STX7: variants seen among roughly 807,000 people sequenced by gnomAD.
STX7 encodes syntaxin-7.
A neutral mutation model predicts 39.6 loss-of-function variants in STX7; 34 were observed. The observed-to-expected ratio is 0.86, with a 90% confidence interval of 0.65 to 1.14. The LOEUF (loss-of-function observed/expected upper bound fraction) is 1.14. Among genes scored for constraint, STX7 ranks in the 50% most tolerant of loss-of-function variants. STX7 has a pLI of 0.00. For synonymous variants in STX7, 119 were observed against 99.1 expected (o/e 1.20, Z -1.19); for missense variants, 284 against 310.4 (o/e 0.92, Z 0.64).
chr6:132,466,494 C>T (rs1375936069), intron 8 of STX7, among the ~76,000 whole-genome samples: 1 of 152,172 alleles, frequency 6.6e-6, no homozygotes, highest in Non-Finnish European at 1.5e-5. Flanking sequence ...TGTGCAAAAG[C>T]AACCATAAAC....
chr6:132,468,750 T>C (rs1774627363), intron 7 of STX7, among the ~76,000 whole-genome samples: 1 of 152,188 alleles, frequency 6.6e-6, no homozygotes, highest in African/African-American at 2.4e-5. Flanking sequence ...ATGAAGGATC[T>C]ATAATAGAGA....
intron 3 of STX7, 133 bp from the exon 4 acceptor site, chr6:132,472,508 C>A: frequency 1.8e-6 from 1 of 559,932 alleles, no homozygotes; most frequent in African/African-American, 1.9e-5. Flanking sequence ...TCAACTTTCT[C>A]TATCAAAAAA....
chr6:132,507,559 T>C (rs1775736206), intron 1 of STX7, among the ~76,000 whole-genome samples: 1 of 152,254 alleles, frequency 6.6e-6, no homozygotes, highest in Admixed American at 6.5e-5. Context: ...AATGGAATCA[T>C]ACAATGTGTT....
At position 132,455,993 on chromosome 6, in the gene STX7, T is replaced by C. The variant is rs1247883589; in HGVS notation, c.*4765A>G. 2.6e-5 allele frequency: 4 copies of C among 152,246 alleles called. No individual in the cohort carries two copies. The highest frequency in any genetic ancestry group is 6.5e-5 in the Admixed American group (1 of 15,282). 9.4% of individuals were successfully genotyped at this position (152,246 alleles called of 1,614,324 possible). A position where few individuals can be genotyped will look rare whatever the true frequency, so the allele number is the denominator to read the frequency against. ...GCTTTGAGTGCATTCTGATGAAATATAGATTCCAAATTCCCCTTGGATCTC... is the reference window on the plus strand; with the variant it reads ...GCTTTGAGTGCATTCTGATGAAATACAGATTCCAAATTCCCCTTGGATCTC... On this transcript the variant is annotated 3_prime_UTR_variant, in exon 10 of 10. Transcript: ENST00000367941.
intron 2 of STX7, among the ~76,000 whole-genome samples, chr6:132,487,839 A>C (rs1460530648): frequency 6.6e-6 from 1 of 152,042 alleles, no homozygotes; most frequent in Non-Finnish European, 1.5e-5. Context: ...TTAGATGTTT[A>C]TCAGTTCTAT....
At chr6:132,474,437 T>A (rs1254501456) in intron 3 of STX7, among the ~76,000 whole-genome samples, 1 of 152,000 alleles carries the variant, frequency 6.6e-6, no homozygotes, top group African/African-American at 2.4e-5. Flanking sequence ...AAAATATAAA[T>A]TAGAGATAAT....
chr6:132,501,359 T>C (rs1432665508), intron 2 of STX7, among the ~76,000 whole-genome samples: 1 of 152,068 alleles, frequency 6.6e-6, no homozygotes, highest in Non-Finnish European at 1.5e-5. Flanking sequence ...CTGCCAACAG[T>C]CCCAGTCTTC....
chr6:132,456,948 C>T lies in STX7; in HGVS notation c.*3810G>A, dbSNP rs1327513737. 1 of 152,318 alleles carries T rather than the reference C, an allele frequency of 6.6e-6. No homozygotes were observed. Among genetic ancestry groups the T allele is most frequent in the African/African-American group, 2.4e-5 (1 of 41,472 alleles). The allele number at this position is 152,318 out of a possible 1,614,324, so 9.4% of individuals were successfully genotyped here. A position where few individuals can be genotyped will look rare whatever the true frequency, so the allele number is the denominator to read the frequency against. On this transcript the variant is annotated 3_prime_UTR_variant, in exon 10 of 10. Coordinates refer to ENST00000367941, the MANE Select transcript of STX7 (RefSeq NM_003569.3). ...GACAGAAGTGTAGGCGGGCAGAGGA[C>T]ATGAGTTTCACAGCAGTTTCAAAAT...
chr6:132,479,835 C>CT (rs1289603135), intron 2 of STX7, among the ~76,000 whole-genome samples: 2 of 152,166 alleles, frequency 1.3e-5, no homozygotes, highest in Non-Finnish European at 2.9e-5. Flanking sequence ...CATCCATACG[C>CT]TCTACAGAGA....
chr6:132,483,432 T>C (rs1424975184), intron 2 of STX7, among the ~76,000 whole-genome samples: 1 of 152,178 alleles, frequency 6.6e-6, no homozygotes, highest in African/African-American at 2.4e-5. Flanking sequence ...ATTAAGTCTA[T>C]CTAGTAAAAT....
chr6:132,498,197 A>C (rs1420071407), intron 2 of STX7, among the ~76,000 whole-genome samples: 1 of 152,192 alleles, frequency 6.6e-6, no homozygotes, highest in Admixed American at 6.5e-5. Context: ...ATAAAGTCAT[A>C]GTTTGTTATA....
chr6:132,504,540 T>C (rs530368167), intron 1 of STX7, among the ~76,000 whole-genome samples: 3 of 152,346 alleles, frequency 2.0e-5, no homozygotes, highest in African/African-American at 7.2e-5. Context: ...TCCATGAATA[T>C]GCACTGGAAT....
rs1325140078 is a variant in STX7 at position 132,471,574 on chromosome 6, G to A, written c.276C>T (p.Arg92=). The A allele has an allele frequency of 6.2e-7, 1 of 1,613,842 alleles. No homozygotes were observed. Among genetic ancestry groups the A allele is most frequent in the Non-Finnish European group, 8.5e-7 (1 of 1,179,840 alleles). ...GTGATGTTGTGAACTCTGCCACTAA[G>A]CGATCCTTCTGTATTTTCCTTTGAC... The part of the protein sequence containing the change: ...EQRQRKIQKD[R]LVAEFTTSLT... The change falls in exon 5 of 10, where the codon CGC becomes CGT. Residue 92 remains arginine, a synonymous_variant. Coordinates refer to ENST00000367941, the MANE Select transcript of STX7 (RefSeq NM_003569.3).
chr6:132,511,940 T>C (rs976126958), intron 1 of STX7, among the ~76,000 whole-genome samples: 2 of 152,226 alleles, frequency 1.3e-5, no homozygotes, highest in African/African-American at 4.8e-5. Flanking sequence ...ATGATGTTAA[T>C]CAGTTAATAT....
chr6:132,500,926 T>C (rs1238008395), intron 2 of STX7, among the ~76,000 whole-genome samples: 1 of 152,236 alleles, frequency 6.6e-6, no homozygotes, highest in African/African-American at 2.4e-5. Flanking sequence ...AGGTGAAATC[T>C]GACTACCTGT....
chr6:132,490,387 A>G (rs537128667), intron 2 of STX7, among the ~76,000 whole-genome samples: 1 of 152,304 alleles, frequency 6.6e-6, no homozygotes, highest in Non-Finnish European at 1.5e-5. Context: ...AGCTGTTTCT[A>G]AAACACTGAA....
At chr6:132,489,350 T>C (rs766209791) in intron 2 of STX7, among the ~76,000 whole-genome samples, 1 of 152,082 alleles carries the variant, frequency 6.6e-6, no homozygotes, top group Non-Finnish European at 1.5e-5. Context: ...TAGGGTACAA[T>C]GTGTAGAGAA....
chr6:132,496,353 C>T (rs1489390104), intron 2 of STX7, among the ~76,000 whole-genome samples: 1 of 152,162 alleles, frequency 6.6e-6, no homozygotes, highest in Non-Finnish European at 1.5e-5. Flanking sequence ...ATTTTTATCT[C>T]AAGGACTGTG....
At chr6:132,498,577 A>G (rs1304033444) in intron 2 of STX7, among the ~76,000 whole-genome samples, 2 of 152,254 alleles carry the variant, frequency 1.3e-5, no homozygotes, top group African/African-American at 2.4e-5. Context: ...CCTTACTTAC[A>G]GCATCTTCTC....
Sources: gnomAD v4.1 joint callset for allele counts (sites outside exome capture counted in the v4.1 genomes callset) on GRCh38, gnomAD v4.1.1 for gene constraint, MANE v1.5 for transcripts, NCBI Gene and HGNC (gene_info 2026-07-23, HGNC 2026-07-21) for gene names.